Variants in PRR16 observed in about 807,000 individuals in gnomAD.
PRR16 encodes proline rich 16.
Under a neutral mutation model 18.2 loss-of-function variants are expected in PRR16, and 6 were observed. That is an observed-to-expected ratio of 0.33 (90% CI 0.18 to 0.65). The LOEUF (loss-of-function observed/expected upper bound fraction) is 0.65. PRR16 is among the 30% of genes least tolerant of loss of function. PRR16 has a pLI of 0.74. For synonymous variants in PRR16, 151 were observed against 147.8 expected, an observed-to-expected ratio of 1.02 and a Z score of -0.16; for missense variants, 412 against 376.6, an observed-to-expected ratio of 1.09 and a Z score of -0.78.
At chr5:120,638,976 A>G (rs1293418232) in intron 1 of PRR16, among the ~76,000 whole-genome samples, 1 of 152,118 alleles carries the variant, frequency 6.6e-6, no homozygotes, top group Non-Finnish European at 1.5e-5. Flanking sequence ...AATTAATTTC[A>G]TGGAGTTCTC....
At chr5:120,673,650 C>T (rs1255026737) in intron 1 of PRR16, among the ~76,000 whole-genome samples, 4 of 151,862 alleles carry the variant, frequency 2.6e-5, no homozygotes, top group Non-Finnish European at 5.9e-5. Flanking sequence ...AAAACATGAA[C>T]GTACTAGGCC....
At chr5:120,783,257 A>G in the PRR16 span, among the ~76,000 whole-genome samples, 1 of 152,360 alleles carries the variant, frequency 6.6e-6, no homozygotes, top group Admixed American at 6.5e-5. Context: ...TTTGCGAAGC[A>G]TGAAATGAAA....
intron 1 of PRR16, among the ~76,000 whole-genome samples, chr5:120,500,463 G>C (rs773773242): frequency 2.6e-5 from 4 of 152,124 alleles, no homozygotes; most frequent in African/African-American, 7.2e-5. Flanking sequence ...CATTTAGTGC[G>C]TCTGTCTGGA....
At chr5:120,677,171 A>G (rs556132866) in intron 1 of PRR16, among the ~76,000 whole-genome samples, 1 of 152,300 alleles carries the variant, frequency 6.6e-6, no homozygotes, top group African/African-American at 2.4e-5. Flanking sequence ...TCATCCTGTC[A>G]GTAGATCATT....
At chr5:120,571,418 A>G (rs778829655) in intron 1 of PRR16, among the ~76,000 whole-genome samples, 16 of 152,222 alleles carry the variant, frequency 1.1e-4, no homozygotes, top group Middle Eastern at 3.4e-3. Flanking sequence ...AGTGAGTACA[A>G]TAAATAATGG....
At chr5:120,746,949 G>T in the PRR16 span, among the ~76,000 whole-genome samples, 2 of 151,994 alleles carry the variant, frequency 1.3e-5, no homozygotes, top group African/African-American at 4.8e-5. Flanking sequence ...TTTCTTCGAA[G>T]GAATAAAAAG....
chr5:120,667,429 A>C (rs1756428676), intron 1 of PRR16, among the ~76,000 whole-genome samples: 2 of 151,880 alleles, frequency 1.3e-5, no homozygotes, highest in South Asian at 4.2e-4. Flanking sequence ...TAATTTTTTG[A>C]AGCGTTTTTT....
the PRR16 span, among the ~76,000 whole-genome samples, chr5:120,726,603 G>A: frequency 2.6e-5 from 4 of 151,964 alleles, no homozygotes; most frequent in African/African-American, 9.7e-5. Context: ...TCTTAGTTTA[G>A]TATGTTTAAT....
At chr5:120,503,015 C>G (rs1750517192) in intron 1 of PRR16, among the ~76,000 whole-genome samples, 1 of 151,988 alleles carries the variant, frequency 6.6e-6, no homozygotes, top group Non-Finnish European at 1.5e-5. Flanking sequence ...CCATGTTATG[C>G]ATTGAAACAT....
At chr5:120,784,383 T>G in the PRR16 span, among the ~76,000 whole-genome samples, 12 of 152,188 alleles carry the variant, frequency 7.9e-5, no homozygotes, top group Non-Finnish European at 2.9e-5. Context: ...TTTTCTCTAT[T>G]TCATAAAAAC....
At chr5:120,765,220 T>C in the PRR16 span, among the ~76,000 whole-genome samples, 1 of 152,010 alleles carries the variant, frequency 6.6e-6, no homozygotes, top group South Asian at 2.1e-4. Flanking sequence ...ATCTGTGAAA[T>C]ATTTTCCCTT....
intron 1 of PRR16, among the ~76,000 whole-genome samples, chr5:120,511,126 C>A (rs538614886): frequency 6.6e-6 from 1 of 152,224 alleles, no homozygotes; most frequent in Non-Finnish European, 1.5e-5. Context: ...AATAGCACTG[C>A]CAAAGGGGCT....
rs188251903 is a variant in PRR16, at chr5:120,580,310, G to T, written c.160-105644G>T. Among the ~76,000 whole-genome samples, 916 of 152,156 alleles carry T rather than the reference G, an allele frequency of 6.0e-3. 8 individuals carry two copies. The highest frequency in any genetic ancestry group is 0.021 in the African/African-American group (861 of 41,500). On this transcript the variant is annotated intron_variant, in intron 1 of 1. Transcript: ENST00000407149. ...GAGAGGGCATTCTTGTCTTGTATCA[G>T]TTTTCAAAGGGAATGCTTCCACCTT...
Position 120,464,308 on chromosome 5 carries a change from G to A in PRR16, c.-179G>A, listed in dbSNP as rs1305825651. ...GAGCGCCGCGTCTCGGGAGTTGATG[G>A]CAGCACCACTGTGCGGCCGCCCGGC... On this transcript the variant is annotated 5_prime_UTR_variant, in exon 1 of 2. Coordinates refer to ENST00000407149, the MANE Select transcript of PRR16 (RefSeq NM_001300783.2). The A allele has an allele frequency of 3.0e-5, 15 of 495,216 alleles. No homozygotes were observed. Among genetic ancestry groups the A allele is most frequent in the Non-Finnish European group, 4.7e-5 (15 of 316,000 alleles). 30.7% of individuals were successfully genotyped at this position (495,216 alleles called of 1,614,324 possible).
At chr5:120,472,241 G>A (rs1749292694) in intron 1 of PRR16, among the ~76,000 whole-genome samples, 1 of 152,080 alleles carries the variant, frequency 6.6e-6, no homozygotes, top group African/African-American at 2.4e-5. Flanking sequence ...AAGAAAATTT[G>A]ATGATTTCTG....
the PRR16 span, among the ~76,000 whole-genome samples, chr5:120,776,475 A>G: frequency 6.6e-6 from 1 of 152,158 alleles, no homozygotes; most frequent in Admixed American, 6.6e-5. Context: ...GAATTCATGG[A>G]AGGAGTGAAA....
chr5:120,748,807 C>T, the PRR16 span, among the ~76,000 whole-genome samples: 1 of 152,044 alleles, frequency 6.6e-6, no homozygotes, highest in Non-Finnish European at 1.5e-5. Context: ...TGTGGACAGA[C>T]AGTAAGGGAG....
chr5:120,654,784 A>C (rs1391737631), intron 1 of PRR16, among the ~76,000 whole-genome samples: 1 of 151,932 alleles, frequency 6.6e-6, no homozygotes, highest in African/African-American at 2.4e-5. Flanking sequence ...TTAAAACTTC[A>C]GTAAAAGAGT....
intron 1 of PRR16, among the ~76,000 whole-genome samples, chr5:120,607,871 C>CT (rs896129019): frequency 7.9e-5 from 12 of 151,700 alleles, no homozygotes; most frequent in Admixed American, 3.3e-4. Flanking sequence ...TCTCACCCTT[C>CT]TTTTTTTTAA....
Sources: gnomAD v4.1 joint callset for allele counts (sites outside exome capture counted in the v4.1 genomes callset) on GRCh38, gnomAD v4.1.1 for gene constraint, MANE v1.5 for transcripts, NCBI Gene and HGNC (gene_info 2026-07-23, HGNC 2026-07-21) for gene names.